The following SLC5A10 variants were observed in gnomAD, a reference collection of about 807,000 sequenced individuals.
The protein encoded by SLC5A10 is sodium/mannose cotransporter SLC5A10.
In SLC5A10, 55 loss-of-function variants were observed where a neutral mutation model predicts 68.9. That is an observed-to-expected ratio of 0.80 (90% CI 0.64 to 1.00). The LOEUF (loss-of-function observed/expected upper bound fraction) is 1.00, where lower values mean the gene tolerates loss of function less well. Ranked by LOEUF, SLC5A10 falls within the 50% of genes least tolerant of loss-of-function variation. The pLI is 0.00. For synonymous variants in SLC5A10, 344 were observed against 344.8 expected, an observed-to-expected ratio of 1.00 and a Z score of 0.02; for missense variants, 732 against 819.3, an observed-to-expected ratio of 0.89 and a Z score of 1.30.
At chr17:18,973,368 T>C (rs1259942744) in intron 8 of SLC5A10, among the ~76,000 whole-genome samples, 1 of 152,210 alleles carries the variant, frequency 6.6e-6, no homozygotes, top group Non-Finnish European at 1.5e-5. Context: ...CCAGAGAGGA[T>C]CACACAGGGA....
chr17:18,963,736 A>AG (rs1181756564), intron 5 of SLC5A10, among the ~76,000 whole-genome samples: 1 of 152,220 alleles, frequency 6.6e-6, no homozygotes, highest in African/African-American at 2.4e-5. Flanking sequence ...ACTGGCCCAC[A>AG]GGAGGACCGG....
Position 18,959,169 on chromosome 17 carries a change from C to T in SLC5A10, c.218C>T (p.Ser73Phe). ...GASLFASSEG[S>F]GLFIGLAGSG... ...TCCCTCTTCGCCAGCAGCGAGGGCT[C>T]TGGCCTCTTCATTGGACTGGCGGGC... The change falls in exon 3 of 15, where the codon TCT becomes TTT. Residue 73 changes from serine to phenylalanine, a missense_variant. Transcript: ENST00000395645. The T allele has an allele frequency of 6.2e-7, 1 of 1,613,918 alleles. No homozygotes were observed. The highest frequency in any genetic ancestry group is 8.5e-7 in the Non-Finnish European group (1 of 1,179,922).
At chr17:18,981,133 G>T (rs2043121408) in intron 9 of SLC5A10, among the ~76,000 whole-genome samples, 1 of 152,234 alleles carries the variant, frequency 6.6e-6, no homozygotes, top group African/African-American at 2.4e-5. Flanking sequence ...GTGAAGGGGA[G>T]GCTGAGGGGG....
In SLC5A10 at chr17:18,958,314, C is replaced by A. The variant is rs140924505; in HGVS notation, c.112-368C>A. ...GGCTCAAGTGATCCGCTTACCTCCG[C>A]CTCCCAATGTGCTGGGATTACAGGC... On this transcript the variant is annotated intron_variant, in intron 1 of 14. Transcript: ENST00000395645. 2.4e-3 allele frequency among the ~76,000 whole-genome samples: 366 copies of A among 152,340 alleles called. 1 individual carries two copies. The highest frequency in any genetic ancestry group is 3.5e-3 in the Non-Finnish European group (239 of 68,040).
chr17:19,013,387 C>T (rs762693657), intron 9 of SLC5A10, 23 bp from the exon 10 acceptor site: 46 of 1,604,736 alleles, frequency 2.9e-5, no homozygotes, highest in Non-Finnish European at 3.9e-5. Context: ...AGGAGAGACA[C>T]CAAGTGTCCG....
At chr17:18,994,061 G>A (rs2043500768) in intron 9 of SLC5A10, among the ~76,000 whole-genome samples, 1 of 152,204 alleles carries the variant, frequency 6.6e-6, no homozygotes, top group South Asian at 2.1e-4. Flanking sequence ...CTGGAAGGCT[G>A]TAAGTGACGC....
intron 9 of SLC5A10, among the ~76,000 whole-genome samples, chr17:18,993,783 C>T (rs1350887585): frequency 6.6e-6 from 1 of 152,212 alleles, no homozygotes; most frequent in Non-Finnish European, 1.5e-5. Context: ...GGCTCTGCAC[C>T]CGCTGGCTCC....
In SLC5A10 at chr17:18,971,679, G is replaced by C. The variant is rs1288371076; in HGVS notation, c.846+461G>C. 4 of 1,610,368 alleles carry C rather than the reference G, an allele frequency of 2.5e-6. No homozygotes were observed. Among genetic ancestry groups the C allele is most frequent in the African/African-American group, 1.3e-5 (1 of 74,848 alleles). On this transcript the variant is annotated intron_variant, in intron 8 of 14. Coordinates refer to ENST00000395645, the MANE Select transcript of SLC5A10 (RefSeq NM_001042450.4). This position sits in a 1 kb window ranked among gnomAD's most constrained non-coding sequence, Gnocchi z 5.5. ...CTGTCAGCAGCAGAGCGGTACCTAGGGGGTCCTGGGAAGCCGTCTTTATCC... is the reference window on the plus strand; with the variant it reads ...CTGTCAGCAGCAGAGCGGTACCTAGCGGGTCCTGGGAAGCCGTCTTTATCC...
intron 1 of SLC5A10, 147 bp downstream of exon 1, chr17:18,952,463 G>A (rs925152409): frequency 3.0e-6 from 3 of 985,794 alleles, no homozygotes; most frequent in African/African-American, 1.6e-5. Context: ...CCAGCCTGGG[G>A]TAGACTTGCT....
At position 18,971,266 on chromosome 17, in the gene SLC5A10, GGGCT is replaced by G. The variant is rs781758793; in HGVS notation, c.846+49_846+52del. ...CATCCCACCTTCCTGCCGTCCCAGT[GGGCT>G]CTGGTAGGCCCAGGCGGCCTGTCTG... On this transcript the variant is annotated intron_variant, in intron 8 of 14. Transcript: ENST00000395645. The surrounding 1 kb of genome is among the most constrained non-coding windows in gnomAD (Gnocchi z 5.5). 1 of 1,611,796 alleles carries G rather than the reference GGGCT, an allele frequency of 6.2e-7. No individual in the cohort carries two copies. The highest frequency in any genetic ancestry group is 8.5e-7 in the Non-Finnish European group (1 of 1,178,594).
At chr17:18,976,644 C>T (rs2042987212) in intron 8 of SLC5A10, 1 of 603,822 alleles carries the variant, frequency 1.7e-6, no homozygotes, top group Non-Finnish European at 2.9e-6. Flanking sequence ...AATGAGTGTA[C>T]CTCGGCTCTC....
intron 5 of SLC5A10, among the ~76,000 whole-genome samples, chr17:18,961,651 G>A (rs919571016): frequency 2.6e-5 from 4 of 152,218 alleles, no homozygotes; most frequent in Admixed American, 2.6e-4. Flanking sequence ...GAATGGAGGT[G>A]CAGAGGCCGG....
chr17:19,007,222 T>C (rs1185336273), intron 9 of SLC5A10, among the ~76,000 whole-genome samples: 1 of 148,516 alleles, frequency 6.7e-6, no homozygotes, highest in African/African-American at 2.5e-5. Context: ...GCCATTCTGA[T>C]AGGTAGATCA....
Position 19,000,826 on chromosome 17 carries a change from G to A in SLC5A10, c.983-12584G>A, listed in dbSNP as rs887793477. Among the ~76,000 whole-genome samples the A allele has an allele frequency of 7.9e-5, 12 of 152,106 alleles. No individual in the cohort carries two copies. Among genetic ancestry groups the A allele is most frequent in the South Asian group, 2.1e-4 (1 of 4,810 alleles). ...CATGGGGAGAGATAAGGCAGGGAGC[G>A]CTCCCAGGAAGCAGGCAGACAAAGC... On this transcript the variant is annotated intron_variant, in intron 9 of 14. Coordinates refer to ENST00000395645, the MANE Select transcript of SLC5A10 (RefSeq NM_001042450.4). The surrounding 1 kb of genome is among the most constrained non-coding windows in gnomAD (Gnocchi z 5.2).
At position 18,976,956 on chromosome 17, in the gene SLC5A10, A is replaced by T. The variant is rs1314416622; in HGVS notation, c.949A>T (p.Met317Leu). ...LKMLPMGLII[M>L]PGMISRALFP... ...GATGCTCCCCATGGGCCTGATCATC[A>T]TGCCGGGCATGATCAGCCGCGCATT... The change falls in exon 9 of 15, where the codon ATG becomes TTG. Residue 317 changes from methionine to leucine, a missense_variant. By Grantham distance (15) the Met-to-Leu change is conservative (BLOSUM62 2). Transcript: ENST00000395645. The T allele has an allele frequency of 3.7e-6, 6 of 1,612,976 alleles. No homozygotes were observed. The highest frequency in any genetic ancestry group is 5.1e-6 in the Non-Finnish European group (6 of 1,179,830).
intron 11 of SLC5A10, 84 bp from the exon 12 acceptor site, chr17:19,019,339 A>G: frequency 6.7e-7 from 1 of 1,496,276 alleles, no homozygotes; most frequent in Non-Finnish European, 9.0e-7. Flanking sequence ...AAGATTAGAG[A>G]GCAAGTCTTA....
chr17:19,019,058 G>GT, intron 11 of SLC5A10: 1 of 223,458 alleles, frequency 4.5e-6, no homozygotes, highest in African/African-American at 2.3e-5. Context: ...AAGACAGGCA[G>GT]TAAACAAGTA....
intron 11 of SLC5A10, among the ~76,000 whole-genome samples, chr17:19,016,162 C>T (rs1008078329): frequency 2.0e-5 from 3 of 151,984 alleles, no homozygotes; most frequent in African/African-American, 7.3e-5. Flanking sequence ...TCTCGTGTCT[C>T]AGCCTCTTGA....
intron 1 of SLC5A10, among the ~76,000 whole-genome samples, chr17:18,953,159 G>A (rs1032627100): frequency 7.0e-6 from 1 of 143,378 alleles, no homozygotes; most frequent in Non-Finnish European, 1.5e-5. Context: ...TAACTGAGAC[G>A]GAGTCTAGCA....
Sources: gnomAD v4.1 joint callset for allele counts (sites outside exome capture counted in the v4.1 genomes callset) on GRCh38, gnomAD v4.1.1 for gene constraint, Gnocchi (gnomAD v3.1) non-coding constraint, MANE v1.5 for transcripts, NCBI Gene and HGNC (gene_info 2026-07-23, HGNC 2026-07-21) for gene names.